SSBP2: variants seen among roughly 807,000 people sequenced by gnomAD.
SSBP2 encodes the protein single-stranded DNA-binding protein 2.
A neutral mutation model predicts 61.8 loss-of-function variants in SSBP2; 17 were observed. The ratio of observed to expected loss-of-function variants is 0.28; its 90% confidence interval spans 0.19 to 0.41. The LOEUF (loss-of-function observed/expected upper bound fraction) is 0.41, where lower values mean the gene tolerates loss of function less well. Ranked by LOEUF, SSBP2 falls within the 10% of genes least tolerant of loss-of-function variation. SSBP2 has a pLI of 1.00. For synonymous variants in SSBP2, 139 were observed against 141.3 expected (o/e 0.98, Z 0.12); for missense variants, 310 against 458.7 (o/e 0.68, Z 2.96).
chr5:81,725,611 A>T (rs1297031626), intron 1 of SSBP2, among the ~76,000 whole-genome samples: 1 of 152,322 alleles, frequency 6.6e-6, no homozygotes, highest in East Asian at 1.9e-4. Context: ...AAACTAGGTG[A>T]CCATCACCAG....
At chr5:81,517,801 C>T (rs992832496) in intron 4 of SSBP2, among the ~76,000 whole-genome samples, 2 of 151,830 alleles carry the variant, frequency 1.3e-5, no homozygotes, top group Non-Finnish European at 2.9e-5. Flanking sequence ...AAATATACTC[C>T]TATTTTATAT....
rs932244492 is a variant in SSBP2 at position 81,703,551 on chromosome 5, A to G, written c.62+47430T>C. 4.6e-5 allele frequency among the ~76,000 whole-genome samples: 7 copies of G among 152,190 alleles called. No individual in the cohort carries two copies. The East Asian group carries it at 1.3e-3, about 29-fold the overall frequency. ...TTGTGCACATGTACCCTAAAACTTA[A>G]AGTATAATAATAATAAAATTTAAAA... On this transcript the variant is annotated intron_variant, in intron 1 of 16. Coordinates refer to ENST00000320672, the MANE Select transcript of SSBP2 (RefSeq NM_012446.5).
intron 1 of SSBP2, among the ~76,000 whole-genome samples, chr5:81,716,580 T>C (rs926512444): frequency 6.6e-6 from 1 of 152,206 alleles, no homozygotes; most frequent in Admixed American, 6.5e-5. Context: ...GGGTTCATGC[T>C]GAATATGCAA....
chr5:81,585,564 T>C (rs1270921509), intron 4 of SSBP2, among the ~76,000 whole-genome samples: 1 of 152,030 alleles, frequency 6.6e-6, no homozygotes, highest in Non-Finnish European at 1.5e-5. Context: ...TATATATATA[T>C]ATATATGGTT....
chr5:81,600,417 T>A (rs995482823), intron 4 of SSBP2, among the ~76,000 whole-genome samples: 1 of 151,574 alleles, frequency 6.6e-6, no homozygotes, highest in East Asian at 1.9e-4. Flanking sequence ...AAAAATTAGC[T>A]GGGCGTGGTG....
At chr5:81,698,334 T>A (rs1322399282) in intron 1 of SSBP2, among the ~76,000 whole-genome samples, 1 of 152,240 alleles carries the variant, frequency 6.6e-6, no homozygotes, top group East Asian at 1.9e-4. Flanking sequence ...TATCTGAATG[T>A]TCTACCTATT....
intron 9 of SSBP2, among the ~76,000 whole-genome samples, chr5:81,463,729 C>T (rs982923228): frequency 6.9e-6 from 1 of 145,818 alleles, no homozygotes; most frequent in Admixed American, 6.8e-5. Context: ...GAAATCAAAT[C>T]AACCACTATT....
intron 9 of SSBP2, among the ~76,000 whole-genome samples, chr5:81,464,756 G>C (rs1764778451): frequency 1.3e-5 from 2 of 152,094 alleles, no homozygotes; most frequent in Admixed American, 6.5e-5. Context: ...TCAAGACAGA[G>C]CGTAAGGTAA....
At chr5:81,648,483 G>T (rs1041026418) in intron 2 of SSBP2, among the ~76,000 whole-genome samples, 58 of 152,076 alleles carry the variant, frequency 3.8e-4, no homozygotes, top group African/African-American at 1.3e-3. Flanking sequence ...AGTGAGGGTT[G>T]TGTGCGTTTG....
At chr5:81,660,693 A>G (rs952750322) in intron 1 of SSBP2, among the ~76,000 whole-genome samples, 3 of 152,180 alleles carry the variant, frequency 2.0e-5, no homozygotes, top group African/African-American at 7.2e-5. Context: ...TTCTACTATA[A>G]AGACATATGC....
Position 81,501,248 on chromosome 5 carries a change from TATATATATATATATATATATAC to T in SSBP2, c.373-11961_373-11940del, listed in dbSNP as rs1274048227. Among the ~76,000 whole-genome samples, 18 of 55,810 alleles carry T rather than the reference TATATATATATATATATATATAC, an allele frequency of 3.2e-4. 1 individual carries two copies. The highest frequency in any genetic ancestry group is 2.3e-3 in the South Asian group (4 of 1,742). 36.6% of individuals were successfully genotyped at this position (55,810 alleles called of 152,430 possible). A position where few individuals can be genotyped will look rare whatever the true frequency, so the allele number is the denominator to read the frequency against. ...ATATATATATATATATATATATATA[TATATATATATATATATATATAC>T]ACACACACACACATGCACATACACC... On this transcript the variant is annotated intron_variant, in intron 5 of 16. Transcript: ENST00000320672.
chr5:81,611,078 C>T (rs1439669135), intron 4 of SSBP2, among the ~76,000 whole-genome samples: 1 of 152,178 alleles, frequency 6.6e-6, no homozygotes, highest in Non-Finnish European at 1.5e-5. Context: ...TAGCTCTATC[C>T]ATTATTTCTG....
intron 13 of SSBP2, among the ~76,000 whole-genome samples, 192 bp downstream of exon 13, chr5:81,442,461 G>A (rs977597863): frequency 2.0e-5 from 3 of 151,738 alleles, no homozygotes; most frequent in African/African-American, 7.3e-5. Flanking sequence ...AAATTATATT[G>A]ATATAAAATC....
chr5:81,658,745 T>A (rs1050909014), intron 1 of SSBP2, among the ~76,000 whole-genome samples: 5 of 152,162 alleles, frequency 3.3e-5, no homozygotes, highest in Admixed American at 2.0e-4. Context: ...ATTTCCCTAA[T>A]GAACATCGAT....
At chr5:81,525,151 C>T (rs74382589) in intron 4 of SSBP2, among the ~76,000 whole-genome samples, 3,620 of 152,022 alleles carry the variant, frequency 0.024, 148 homozygotes, top group African/African-American at 0.083. Flanking sequence ...CCAACTGGAT[C>T]TGAATGTCTC....
chr5:81,622,329 T>C (rs902038449), intron 3 of SSBP2, among the ~76,000 whole-genome samples: 2 of 152,128 alleles, frequency 1.3e-5, no homozygotes, highest in Non-Finnish European at 2.9e-5. Flanking sequence ...TGGCTATAAA[T>C]AAAGGCAATT....
Position 81,712,725 on chromosome 5 carries a change from TTTG to T in SSBP2, c.62+38253_62+38255del, listed in dbSNP as rs773220803. On this transcript the variant is annotated intron_variant, in intron 1 of 16. Coordinates refer to ENST00000320672, the MANE Select transcript of SSBP2 (RefSeq NM_012446.5). Reference sequence around the variant, plus strand: ...AGTAAAGGGACTTTTTGTTTGTTTCTTTGTTTTTTTTTTTTTGTTTTTTTTGAC... The same window carrying T: ...AGTAAAGGGACTTTTTGTTTGTTTCTTTTTTTTTTTTTTGTTTTTTTTGAC... 2.1e-4 allele frequency among the ~76,000 whole-genome samples: 19 copies of T among 90,626 alleles called. 1 individual carries two copies. Among genetic ancestry groups the T allele is most frequent in the South Asian group, 3.6e-4 (1 of 2,786 alleles). 59.5% of individuals were successfully genotyped at this position (90,626 alleles called of 152,430 possible).
intron 1 of SSBP2, among the ~76,000 whole-genome samples, chr5:81,707,068 C>T (rs181869283): frequency 6.4e-4 from 98 of 152,212 alleles, no homozygotes; most frequent in Admixed American, 1.8e-3. Context: ...AGGAACAAAA[C>T]AGGAATGATT....
At position 81,490,196 on chromosome 5, in the gene SSBP2, G is replaced by T. The variant is rs141283917; in HGVS notation, c.373-887C>A. ...TGGATGAGTCAGAGGCTCCTAAGAT[G>T]TACTGAATCTGTCAGTCTGGAAATT... On this transcript the variant is annotated intron_variant, in intron 5 of 16. Coordinates refer to ENST00000320672, the MANE Select transcript of SSBP2 (RefSeq NM_012446.5). 1.8e-4 allele frequency among the ~76,000 whole-genome samples: 28 copies of T among 152,178 alleles called. No individual in the cohort carries two copies. In the East Asian group the frequency reaches 5.2e-3, roughly 28 times the overall value.
Sources: allele counts gnomAD v4.1 joint callset (sites outside exome capture counted in the v4.1 genomes callset), GRCh38; gene constraint gnomAD v4.1.1; transcripts MANE v1.5; gene names NCBI Gene and HGNC (gene_info 2026-07-23, HGNC 2026-07-21).